Variants in PXDNL observed in about 807,000 individuals in gnomAD.
The protein encoded by PXDNL is peroxidasin like.
A neutral mutation model predicts 150.8 loss-of-function variants in PXDNL; 145 were observed. That is an observed-to-expected ratio of 0.96 (90% confidence interval 0.84 to 1.10). The LOEUF (loss-of-function observed/expected upper bound fraction) is 1.10. Among genes scored for constraint, PXDNL ranks in the 50% least tolerant of loss-of-function variants. The pLI is 0.00. For missense variants in PXDNL, 2,087 were observed against 1,873.9 expected (o/e 1.11, Z -2.10); for synonymous variants, 757 against 725.7 (o/e 1.04, Z -0.69).
intron 1 of PXDNL, among the ~76,000 whole-genome samples, chr8:51,803,172 C>T (rs1049775472): frequency 2.6e-5 from 4 of 152,328 alleles, no homozygotes; most frequent in Middle Eastern, 3.4e-3. Context: ...GGCCTCCCAT[C>T]TGTCCTGCTG....
chr8:51,524,430 A>C (rs1242988696), intron 4 of PXDNL, among the ~76,000 whole-genome samples: 2 of 152,226 alleles, frequency 1.3e-5, no homozygotes, highest in Non-Finnish European at 2.9e-5. Context: ...TTTCTCTAAA[A>C]GGGCAATACA....
At chr8:51,512,651 AG>A (rs1010387897) in intron 4 of PXDNL, among the ~76,000 whole-genome samples, 2 of 152,212 alleles carry the variant, frequency 1.3e-5, no homozygotes, top group Non-Finnish European at 2.9e-5. Context: ...CTGGGATTAA[AG>A]GGGACATATG....
chr8:51,582,181 T>A (rs1156706880), intron 3 of PXDNL, among the ~76,000 whole-genome samples: 3 of 152,094 alleles, frequency 2.0e-5, no homozygotes, highest in Non-Finnish European at 4.4e-5. Flanking sequence ...AATGAGGTCA[T>A]GGGTTGGGAT....
At chr8:51,390,244 G>C (rs1393096380) in intron 17 of PXDNL, among the ~76,000 whole-genome samples, 1 of 152,124 alleles carries the variant, frequency 6.6e-6, no homozygotes, top group East Asian at 1.9e-4. Flanking sequence ...ATTCAAACTA[G>C]TTTTTGTCTG....
intron 1 of PXDNL, among the ~76,000 whole-genome samples, chr8:51,765,451 G>A (rs545639551): frequency 3.3e-5 from 5 of 152,190 alleles, no homozygotes; most frequent in South Asian, 2.1e-4. Flanking sequence ...ACCCAGTCTC[G>A]GGTATGTCTT....
chr8:51,590,469 A>C (rs1260744772), intron 3 of PXDNL, among the ~76,000 whole-genome samples: 2 of 152,164 alleles, frequency 1.3e-5, no homozygotes, highest in Non-Finnish European at 2.9e-5. Flanking sequence ...AAGAGAACTG[A>C]AGCATGGCTG....
At chr8:51,345,101 C>T (rs115029742) in intron 20 of PXDNL, among the ~76,000 whole-genome samples, 4,518 of 152,270 alleles carry the variant, frequency 0.03, 217 homozygotes, top group African/African-American at 0.1. Flanking sequence ...AAATAGGATA[C>T]ATGGTTCCTT....
At chr8:51,773,442 C>T (rs1031890162) in intron 1 of PXDNL, among the ~76,000 whole-genome samples, 3 of 152,158 alleles carry the variant, frequency 2.0e-5, no homozygotes, top group Non-Finnish European at 4.4e-5. Context: ...AAGACAGTCT[C>T]ACTGCATAAT....
chr8:51,390,489 A>T (rs1807857984), intron 17 of PXDNL, among the ~76,000 whole-genome samples: 1 of 152,222 alleles, frequency 6.6e-6, no homozygotes, highest in South Asian at 2.1e-4. Flanking sequence ...TTCTGGATGA[A>T]ATAAGTACAA....
chr8:51,576,263 A>AT (rs1813052525), intron 3 of PXDNL, among the ~76,000 whole-genome samples: 1 of 151,750 alleles, frequency 6.6e-6, no homozygotes, highest in Admixed American at 6.6e-5. Context: ...CTGAGAATAC[A>AT]TATCAAGATA....
chr8:51,632,645 C>T (rs978569664), intron 2 of PXDNL, among the ~76,000 whole-genome samples: 5 of 152,166 alleles, frequency 3.3e-5, no homozygotes, highest in Non-Finnish European at 4.4e-5. Flanking sequence ...ATTTACACCA[C>T]GATGCAGTTA....
chr8:51,469,612 T>C (rs938319110), intron 8 of PXDNL, among the ~76,000 whole-genome samples: 2 of 152,018 alleles, frequency 1.3e-5, no homozygotes, highest in African/African-American at 4.8e-5. Flanking sequence ...ATCCAGGTCC[T>C]CTCCAGGGGA....
chr8:51,543,841 C>T (rs575643049), intron 4 of PXDNL, among the ~76,000 whole-genome samples: 1 of 151,842 alleles, frequency 6.6e-6, no homozygotes, highest in Non-Finnish European at 1.5e-5. Context: ...ATATTTGCTG[C>T]CCACTAAGGA....
intron 1 of PXDNL, among the ~76,000 whole-genome samples, chr8:51,725,001 T>G (rs1359179376): frequency 6.6e-6 from 1 of 152,146 alleles, no homozygotes; most frequent in Non-Finnish European, 1.5e-5. Context: ...TCTTTTTCTT[T>G]TTTGGAGATG....
chr8:51,788,625 T>C (rs1450666098), intron 1 of PXDNL, among the ~76,000 whole-genome samples: 1 of 152,198 alleles, frequency 6.6e-6, no homozygotes, highest in Non-Finnish European at 1.5e-5. Context: ...CTCTTTCCCC[T>C]ACATGTCAAA....
chr8:51,392,662 A>G (rs1173994772), intron 17 of PXDNL, among the ~76,000 whole-genome samples: 1 of 152,180 alleles, frequency 6.6e-6, no homozygotes, highest in Non-Finnish European at 1.5e-5. Context: ...GGTTTTCTAG[A>G]TATACAATCA....
chr8:51,786,853 TC>T (rs2037465026), intron 1 of PXDNL, among the ~76,000 whole-genome samples: 1 of 152,132 alleles, frequency 6.6e-6, no homozygotes, highest in Non-Finnish European at 1.5e-5. Flanking sequence ...AAGAAAGAAG[TC>T]AATGACTGGC....
At chr8:51,621,955 A>AG (rs1814266905) in intron 2 of PXDNL, among the ~76,000 whole-genome samples, 1 of 151,718 alleles carries the variant, frequency 6.6e-6, no homozygotes, top group African/African-American at 2.4e-5. Context: ...AAAAAAAAAA[A>AG]AAAAAAAGCA....
chr8:51,488,887 T>C (rs1466124064), intron 5 of PXDNL, among the ~76,000 whole-genome samples: 1 of 151,700 alleles, frequency 6.6e-6, no homozygotes, highest in African/African-American at 2.4e-5. Flanking sequence ...AGAAAAAGAG[T>C]AAGAAAGCAT....
Sources: allele counts gnomAD v4.1 joint callset (sites outside exome capture counted in the v4.1 genomes callset), GRCh38; gene constraint gnomAD v4.1.1; transcripts MANE v1.5; gene names NCBI Gene and HGNC (gene_info 2026-07-23, HGNC 2026-07-21).